CNIH3: variants seen among roughly 807,000 people sequenced by gnomAD.
CNIH3 encodes protein cornichon homolog 3.
CNIH3 carries 14 observed loss-of-function variants against 24.1 expected under a neutral mutation model. The ratio of observed to expected loss-of-function variants is 0.58; its 90% CI spans 0.38 to 0.91. The LOEUF (loss-of-function observed/expected upper bound fraction) is 0.91, where lower values mean the gene tolerates loss of function less well. CNIH3 is among the 40% of genes least tolerant of loss of function. CNIH3 has a pLI of 0.00. For synonymous variants in CNIH3, 68 were observed against 73.8 expected, an observed-to-expected ratio of 0.92 and a Z score of 0.40; for missense variants, 178 against 196.8, an observed-to-expected ratio of 0.90 and a Z score of 0.57.
At chr1:224,512,642 G>A (rs1259508985), upstream of CNIH3, among the ~76,000 whole-genome samples, 1 of 152,144 alleles carries the variant, frequency 6.6e-6, no homozygotes, top group Non-Finnish European at 1.5e-5. Context: ...GTATATGTGG[G>A]CTTTAAACCT....
At chr1:224,687,496 A>C (rs1174798918) in intron 3 of CNIH3, among the ~76,000 whole-genome samples, 1 of 152,142 alleles carries the variant, frequency 6.6e-6, no homozygotes, top group Non-Finnish European at 1.5e-5. Context: ...GCCTCTCAAA[A>C]TGCTGGAATT....
intron 1 of CNIH3, among the ~76,000 whole-genome samples, chr1:224,639,379 C>CT (rs1256427775): frequency 5.3e-5 from 8 of 152,336 alleles, no homozygotes; most frequent in African/African-American, 1.9e-4. Context: ...TGTGAGCCCT[C>CT]TTAGGGGCCT....
At chr1:224,729,369 G>A (rs148279385) in intron 3 of CNIH3, among the ~76,000 whole-genome samples, 1,756 of 134,912 alleles carry the variant, frequency 0.013, 37 homozygotes, top group African/African-American at 0.047. Context: ...CCAAGATCAC[G>A]CCACTGTACT....
intron 1 of CNIH3, among the ~76,000 whole-genome samples, chr1:224,488,481 A>G (rs7552042): frequency 0.84 from 116,497 of 138,532 alleles, 48,847 homozygotes; most frequent in East Asian, 0.97. Context: ...GGTGGGGGGG[A>G]ACAGAGTCTT....
intron 3 of CNIH3, among the ~76,000 whole-genome samples, chr1:224,603,951 G>T (rs1682311929): frequency 6.6e-6 from 1 of 152,160 alleles, no homozygotes; most frequent in African/African-American, 2.4e-5. Context: ...ATTCTTAAAT[G>T]TATAAATATT....
At position 224,498,599 on chromosome 1, in the gene CNIH3, A is replaced by G. The variant is rs149586793; in HGVS notation, n.204-17142A>G. ...GTTTCTTATGAAACTAAAAAATTCT[A>G]CATGAGTTTACAAAAACAGGAAGCT... On this transcript the variant is annotated intron_variant and non_coding_transcript_variant, in intron 1 of 5. Coordinates refer to the CNIH3 transcript ENST00000471578. Among the ~76,000 whole-genome samples the G allele has an allele frequency of 2.0e-4, 31 of 152,312 alleles. 1 individual carries two copies. In the East Asian group the frequency reaches 5.4e-3, roughly 27 times the overall value.
intron 1 of CNIH3, among the ~76,000 whole-genome samples, chr1:224,660,944 C>T (rs1685322775): frequency 6.6e-6 from 1 of 152,176 alleles, no homozygotes; most frequent in South Asian, 2.1e-4. Flanking sequence ...AAGCAAAGTG[C>T]ATACAGATAT....
intron 3 of CNIH3, among the ~76,000 whole-genome samples, chr1:224,724,354 G>A (rs916235734): frequency 1.1e-4 from 16 of 152,206 alleles, no homozygotes; most frequent in African/African-American, 3.6e-4. Flanking sequence ...GCCCAGGCTG[G>A]TGCAGGCTTT....
chr1:224,728,365 A>G (rs745720871), intron 3 of CNIH3, among the ~76,000 whole-genome samples: 28 of 152,038 alleles, frequency 1.8e-4, no homozygotes, highest in Non-Finnish European at 3.4e-4. Context: ...GAGGTCCTAT[A>G]AGGAGATACA....
chr1:224,597,567 G>A (rs775861095), intron 3 of CNIH3, among the ~76,000 whole-genome samples: 2 of 152,134 alleles, frequency 1.3e-5, no homozygotes, highest in Admixed American at 6.6e-5. Flanking sequence ...GTATGGGGTC[G>A]GAGGGTACAG....
At position 224,616,801 on chromosome 1, in the gene CNIH3, T is replaced by TC; in HGVS notation, c.-371dup. On this transcript the variant is annotated 5_prime_UTR_variant, in exon 1 of 6. It introduces an in-frame stop codon into an upstream open reading frame of the 5' UTR. Coordinates refer to ENST00000272133, the MANE Select transcript of CNIH3 (RefSeq NM_152495.2). ...TCTTCCTGGGGCGAATGGGACCTCC[T>TC]CCCTCGGTCCTCCGTGGAGTCGTCG... 1.9e-6 allele frequency: 2 copies of TC among 1,067,202 alleles called. No homozygotes were observed. Among genetic ancestry groups the TC allele is most frequent in the Non-Finnish European group, 2.3e-6 (2 of 882,586 alleles). The allele number at this position is 1,067,202 out of a possible 1,614,324, so 66.1% of individuals were successfully genotyped here.
chr1:224,676,874 G>A (rs973740204), intron 1 of CNIH3, among the ~76,000 whole-genome samples: 10 of 152,182 alleles, frequency 6.6e-5, no homozygotes, highest in African/African-American at 2.4e-4. Context: ...AGTGCTAAGT[G>A]GGGGGTAGCC....
downstream of CNIH3, among the ~76,000 whole-genome samples, chr1:224,593,248 C>G (rs1231855457): frequency 6.6e-6 from 1 of 151,784 alleles, no homozygotes; most frequent in South Asian, 2.1e-4. Context: ...CTCCATCTCC[C>G]AGGCTCAAGC....
chr1:224,539,999 A>G (rs989151664), downstream of CNIH3, among the ~76,000 whole-genome samples: 3 of 152,196 alleles, frequency 2.0e-5, no homozygotes, highest in Non-Finnish European at 4.4e-5. Flanking sequence ...ACTCATAGTA[A>G]GCCTCTCAAT....
intron 2 of CNIH3, among the ~76,000 whole-genome samples, chr1:224,530,509 C>T (rs950881909): frequency 1.2e-4 from 18 of 152,154 alleles, no homozygotes; most frequent in African/African-American, 4.3e-4. Flanking sequence ...CCACACTTTA[C>T]AGATGAAAGG....
chr1:224,453,946 T>C (rs376006419), intron 1 of CNIH3, among the ~76,000 whole-genome samples: 3 of 152,136 alleles, frequency 2.0e-5, no homozygotes, highest in African/African-American at 4.8e-5. Context: ...ACTAGTCATA[T>C]TGTCCAAAAG....
At chr1:224,595,342 A>G (rs1474403065) in intron 3 of CNIH3, among the ~76,000 whole-genome samples, 3 of 152,170 alleles carry the variant, frequency 2.0e-5, no homozygotes, top group Non-Finnish European at 4.4e-5. Flanking sequence ...CACCATGCCC[A>G]GTCTGTGATC....
chr1:224,485,514 A>G (rs1676993950), intron 1 of CNIH3, among the ~76,000 whole-genome samples: 1 of 151,180 alleles, frequency 6.6e-6, no homozygotes, highest in Non-Finnish European at 1.5e-5. Context: ...TTTTTTAGAG[A>G]CAGGGTCTGA....
chr1:224,703,560 T>C lies in CNIH3; in HGVS notation c.198+18717T>C, dbSNP rs1030976883. Among the ~76,000 whole-genome samples, 1 of 152,130 alleles carries C rather than the reference T, an allele frequency of 6.6e-6. No individual in the cohort carries two copies. Among genetic ancestry groups the C allele is most frequent in the Non-Finnish European group, 1.5e-5 (1 of 68,006 alleles). ...GTGTTAGTTATCATGGTTAGGGCGC[T>C]GAGTTTCATCAGCCTGGCTGTGCTG... On this transcript the variant is annotated intron_variant, in intron 3 of 5. Coordinates refer to ENST00000272133, the MANE Select transcript of CNIH3 (RefSeq NM_152495.2). The surrounding 1 kb of genome is among the most constrained non-coding windows in gnomAD (Gnocchi z 4.2).
Sources: gnomAD v4.1 joint callset for allele counts (sites outside exome capture counted in the v4.1 genomes callset) on GRCh38, gnomAD v4.1.1 for gene constraint, Gnocchi (gnomAD v3.1) non-coding constraint, MANE v1.5 for transcripts, NCBI Gene and HGNC (gene_info 2026-07-23, HGNC 2026-07-21) for gene names.